The following TENM2 variants were observed in gnomAD, a reference collection of about 807,000 sequenced individuals.
TENM2 encodes teneurin-2.
TENM2 carries 52 observed loss-of-function variants against 245.2 expected under a neutral mutation model. The observed-to-expected ratio is 0.21, with a 90% CI of 0.17 to 0.27. The LOEUF (loss-of-function observed/expected upper bound fraction) is 0.27. Ranked by LOEUF, TENM2 falls within the 10% of genes least tolerant of loss-of-function variation. The probability of loss-of-function intolerance (pLI) is 1.00; values close to 1 mark genes in which losing one functional copy is unlikely to be tolerated. For synonymous variants in TENM2, 1,363 were observed against 1,438.9 expected (o/e 0.95, Z 1.19); for missense variants, 3,046 against 3,666.8 (o/e 0.83, Z 4.37).
chr5:167,622,597 A>G (rs1045950686), intron 2 of TENM2, among the ~76,000 whole-genome samples: 1 of 152,178 alleles, frequency 6.6e-6, no homozygotes, highest in Non-Finnish European at 1.5e-5. Context: ...AAAAGAATCA[A>G]CATTAAGCCA....
At chr5:167,335,540 G>C (rs1022251263) in intron 1 of TENM2, among the ~76,000 whole-genome samples, 2 of 151,694 alleles carry the variant, frequency 1.3e-5, no homozygotes, top group African/African-American at 2.4e-5. Flanking sequence ...ATTTCGTTTT[G>C]CATACAAAAG....
At chr5:167,413,064 C>T (rs1439564099) in intron 2 of TENM2, among the ~76,000 whole-genome samples, 4 of 152,024 alleles carry the variant, frequency 2.6e-5, no homozygotes, top group Non-Finnish European at 5.9e-5. Context: ...TATCTAGAAA[C>T]ATTTTTGTTA....
intron 2 of TENM2, among the ~76,000 whole-genome samples, chr5:167,777,170 G>A (rs1009663587): frequency 3.3e-5 from 5 of 152,182 alleles, no homozygotes; most frequent in African/African-American, 1.2e-4. Context: ...GAGAGTGTGA[G>A]CTAATCTAAG....
At chr5:167,487,771 C>T (rs1040662247) in intron 2 of TENM2, among the ~76,000 whole-genome samples, 1 of 152,156 alleles carries the variant, frequency 6.6e-6, no homozygotes, top group African/African-American at 2.4e-5. Flanking sequence ...TATTGTCATT[C>T]TTGCAAACTT....
intron 1 of TENM2, among the ~76,000 whole-genome samples, chr5:167,311,738 T>C (rs1756045055): frequency 6.6e-6 from 1 of 152,222 alleles, no homozygotes; most frequent in Non-Finnish European, 1.5e-5. Context: ...CAGGTTTTGA[T>C]ATAGGTATAA....
At chr5:168,184,008 G>T (rs1416582060) in intron 13 of TENM2, among the ~76,000 whole-genome samples, 1 of 152,144 alleles carries the variant, frequency 6.6e-6, no homozygotes, top group Admixed American at 6.5e-5. Context: ...GGGGAACCAG[G>T]TGACTAAGAT....
At chr5:167,734,691 G>A (rs1760678732) in intron 2 of TENM2, among the ~76,000 whole-genome samples, 1 of 151,976 alleles carries the variant, frequency 6.6e-6, no homozygotes, top group South Asian at 2.1e-4. Flanking sequence ...ATTAAAGTGG[G>A]ATGATTAGCA....
the TENM2 span, among the ~76,000 whole-genome samples, chr5:167,235,909 G>A: frequency 0.21 from 32,356 of 151,982 alleles, 3,949 homozygotes; most frequent in African/African-American, 0.34. Context: ...TAAAGAGCTC[G>A]GAAGAGATCA....
At chr5:168,120,211 C>G (rs921437537) in intron 10 of TENM2, among the ~76,000 whole-genome samples, 1 of 151,888 alleles carries the variant, frequency 6.6e-6, no homozygotes, top group African/African-American at 2.4e-5. Flanking sequence ...AAGTCTGACC[C>G]CCAGATCTTC....
chr5:167,131,737 A>G, the TENM2 span, among the ~76,000 whole-genome samples: 1 of 152,208 alleles, frequency 6.6e-6, no homozygotes, highest in East Asian at 1.9e-4. Flanking sequence ...CCTAGGCACA[A>G]GCAGAATTGG....
At chr5:167,241,297 T>G in the TENM2 span, among the ~76,000 whole-genome samples, 1 of 152,130 alleles carries the variant, frequency 6.6e-6, no homozygotes, top group Non-Finnish European at 1.5e-5. Flanking sequence ...GAAAAAAAAG[T>G]CTTGTTCCTT....
In TENM2 at chr5:168,247,722, G is replaced by A; in HGVS notation, c.6783G>A (p.Gln2261=). The A allele has an allele frequency of 1.2e-6, 2 of 1,613,886 alleles. No individual in the cohort carries two copies. Among genetic ancestry groups the A allele is most frequent in the South Asian group, 1.1e-5 (1 of 91,074 alleles). ...GGATAACCAGACTCGGGGATGTGCA[G>A]TACAAAATTGACGACGATGGCTATC... The change falls in exon 27 of 29, where the codon CAG becomes CAA. Residue 2261 remains glutamine, a synonymous_variant. Transcript: ENST00000518659. This position sits in a 1 kb window ranked among gnomAD's most constrained non-coding sequence, Gnocchi z 7.8.
chr5:167,519,690 A>G (rs961806149), intron 2 of TENM2, among the ~76,000 whole-genome samples: 1 of 152,148 alleles, frequency 6.6e-6, no homozygotes, highest in Non-Finnish European at 1.5e-5. Context: ...AGAGAAGGCT[A>G]TGGAGATTCT....
the TENM2 span, among the ~76,000 whole-genome samples, chr5:167,030,557 C>T: frequency 6.6e-6 from 1 of 152,174 alleles, no homozygotes; most frequent in Admixed American, 6.5e-5. Flanking sequence ...GTGCCCCATG[C>T]AGATTTGCTC....
At chr5:167,253,180 T>A in the TENM2 span, among the ~76,000 whole-genome samples, 2 of 151,470 alleles carry the variant, frequency 1.3e-5, no homozygotes, top group Non-Finnish European at 2.9e-5. Context: ...AGCCTCCACC[T>A]CCCAGGGTCA....
At chr5:168,076,964 G>T (rs575673508) in intron 7 of TENM2, among the ~76,000 whole-genome samples, 3 of 152,124 alleles carry the variant, frequency 2.0e-5, no homozygotes, top group African/African-American at 7.2e-5. Context: ...TAATACACTG[G>T]ATTAAGAGTG....
chr5:168,041,825 A>C (rs1268328427), intron 5 of TENM2, among the ~76,000 whole-genome samples: 1 of 152,238 alleles, frequency 6.6e-6, no homozygotes, highest in Admixed American at 6.5e-5. Context: ...TAATGAGCCC[A>C]ATACCTGGCA....
At chr5:167,591,112 T>G (rs1473614678) in intron 2 of TENM2, among the ~76,000 whole-genome samples, 1 of 152,136 alleles carries the variant, frequency 6.6e-6, no homozygotes, top group Non-Finnish European at 1.5e-5. Context: ...ACGATAAAAT[T>G]TTGTAAGATG....
At chr5:167,045,419 A>C in the TENM2 span, among the ~76,000 whole-genome samples, 2 of 152,172 alleles carry the variant, frequency 1.3e-5, no homozygotes, top group African/African-American at 2.4e-5. Flanking sequence ...GCTGTCAGTA[A>C]GGGCTGGCTG....
Sources: allele counts gnomAD v4.1 joint callset (sites outside exome capture counted in the v4.1 genomes callset), GRCh38; gene constraint gnomAD v4.1.1; non-coding constraint Gnocchi (gnomAD v3.1); transcripts MANE v1.5; gene names NCBI Gene and HGNC (gene_info 2026-07-23, HGNC 2026-07-21).